Variants in NKAIN2 observed in about 807,000 individuals in gnomAD.
NKAIN2 encodes sodium/potassium transporting ATPase interacting 2.
A neutral mutation model predicts 32.6 loss-of-function variants in NKAIN2; 14 were observed. That is an observed-to-expected ratio of 0.43 (90% confidence interval 0.28 to 0.67). The LOEUF (loss-of-function observed/expected upper bound fraction) is 0.67, where lower values mean the gene tolerates loss of function less well. Among genes scored for constraint, NKAIN2 ranks in the 30% least tolerant of loss-of-function variants. NKAIN2 has a pLI of 0.17. For synonymous variants in NKAIN2, 80 were observed against 87.2 expected (o/e 0.92, Z 0.46); for missense variants, 198 against 258.3 (o/e 0.77, Z 1.60).
intron 4 of NKAIN2, among the ~76,000 whole-genome samples, chr6:124,687,019 G>A (rs111745809): frequency 6.6e-6 from 1 of 151,790 alleles, no homozygotes; most frequent in Non-Finnish European, 1.5e-5. Context: ...TTGAACATCA[G>A]ACTCCAAGTT....
intron 3 of NKAIN2, among the ~76,000 whole-genome samples, chr6:124,360,087 G>C (rs1032428508): frequency 1.2e-4 from 18 of 151,764 alleles, no homozygotes; most frequent in Admixed American, 9.9e-4. Context: ...ATTGATTTGC[G>C]AATGTTGAAC....
chr6:123,995,042 A>G (rs1779560179), intron 1 of NKAIN2, among the ~76,000 whole-genome samples: 1 of 152,208 alleles, frequency 6.6e-6, no homozygotes, highest in Non-Finnish European at 1.5e-5. Flanking sequence ...AAGGAAAAGC[A>G]TAAGGTGAGG....
At chr6:124,472,753 T>C (rs1448204536) in intron 3 of NKAIN2, among the ~76,000 whole-genome samples, 1 of 151,950 alleles carries the variant, frequency 6.6e-6, no homozygotes, top group Non-Finnish European at 1.5e-5. Context: ...AAGGACCTTG[T>C]ATTACTTTTT....
chr6:124,457,019 C>T lies in NKAIN2; in HGVS notation c.273+101672C>T, dbSNP rs546601442. ...GGTTCTTGGGACACTAGAAACTCTTCGTGAATGTACTTTAATTTTTATTTA... is the reference window on the plus strand; with the variant it reads ...GGTTCTTGGGACACTAGAAACTCTTTGTGAATGTACTTTAATTTTTATTTA... On this transcript the variant is annotated intron_variant, in intron 3 of 6. Transcript: ENST00000368417. Among the ~76,000 whole-genome samples the T allele has an allele frequency of 1.1e-4, 16 of 151,904 alleles. 1 individual carries two copies. The South Asian group carries it at 2.1e-3, about 20-fold the overall frequency.
At chr6:124,110,739 T>C (rs1469328960) in intron 1 of NKAIN2, among the ~76,000 whole-genome samples, 8 of 152,178 alleles carry the variant, frequency 5.3e-5, no homozygotes, top group African/African-American at 1.9e-4. Flanking sequence ...TTCTTTTTCA[T>C]GGCTGCATAA....
intron 2 of NKAIN2, among the ~76,000 whole-genome samples, chr6:124,283,669 T>G (rs1242354135): frequency 1.3e-5 from 2 of 152,144 alleles, no homozygotes; most frequent in Non-Finnish European, 2.9e-5. Flanking sequence ...TATTTTGCAT[T>G]CCCACTCAAG....
At chr6:123,835,239 G>A (rs986413914) in intron 1 of NKAIN2, among the ~76,000 whole-genome samples, 5 of 152,132 alleles carry the variant, frequency 3.3e-5, no homozygotes, top group Non-Finnish European at 7.4e-5. Context: ...CAAAAATAGA[G>A]GAGCATTTGA....
chr6:124,630,838 GA>G (rs1783537404), intron 3 of NKAIN2, among the ~76,000 whole-genome samples: 1 of 152,076 alleles, frequency 6.6e-6, no homozygotes, highest in Non-Finnish European at 1.5e-5. Flanking sequence ...TAGCACCAGG[GA>G]AAATTAATTA....
chr6:124,705,530 G>GT (rs923977994), intron 4 of NKAIN2, among the ~76,000 whole-genome samples: 1 of 152,046 alleles, frequency 6.6e-6, no homozygotes, highest in Non-Finnish European at 1.5e-5. Context: ...CAAGTCTCCT[G>GT]TTTGGTAAAA....
chr6:124,498,436 G>A (rs1778153387), intron 3 of NKAIN2, among the ~76,000 whole-genome samples: 1 of 152,140 alleles, frequency 6.6e-6, no homozygotes, highest in South Asian at 2.1e-4. Flanking sequence ...AGAACTCGGT[G>A]AGGGCTTAGC....
intron 3 of NKAIN2, among the ~76,000 whole-genome samples, chr6:124,438,752 C>G (rs1033992820): frequency 3.3e-5 from 5 of 152,172 alleles, no homozygotes; most frequent in Non-Finnish European, 5.9e-5. Flanking sequence ...TTCAGTCTGT[C>G]TTACTTGCTG....
chr6:124,160,219 C>T lies in NKAIN2; in HGVS notation c.55-122786C>T, dbSNP rs138918167. Reference sequence around the variant, plus strand: ...CTAGAGGGTAGGAAAATTTTCCCCTCGCTTTATCTATACAGCAGACTTTTC... The same window carrying T: ...CTAGAGGGTAGGAAAATTTTCCCCTTGCTTTATCTATACAGCAGACTTTTC... On this transcript the variant is annotated intron_variant, in intron 1 of 6. Transcript: ENST00000368417. Among the ~76,000 whole-genome samples, 179 of 152,232 alleles carry T rather than the reference C, an allele frequency of 1.2e-3. 1 individual carries two copies. Among genetic ancestry groups the T allele is most frequent in the African/African-American group, 3.4e-3 (143 of 41,550 alleles).
At chr6:124,499,495 A>C (rs1778199951) in intron 3 of NKAIN2, among the ~76,000 whole-genome samples, 1 of 152,212 alleles carries the variant, frequency 6.6e-6, no homozygotes, top group Admixed American at 6.5e-5. Context: ...TGGATGAAAT[A>C]AAGACCATAT....
At chr6:124,176,209 A>T (rs1789147298) in intron 1 of NKAIN2, among the ~76,000 whole-genome samples, 1 of 152,238 alleles carries the variant, frequency 6.6e-6, no homozygotes, top group African/African-American at 2.4e-5. Flanking sequence ...TGACAGAGAC[A>T]CAAAGTGAGC....
chr6:124,805,363 C>G, intron 5 of NKAIN2, among the ~76,000 whole-genome samples: 1 of 152,184 alleles, frequency 6.6e-6, no homozygotes, highest in Non-Finnish European at 1.5e-5. Flanking sequence ...GACACCGCTG[C>G]TGACACCCAG....
chr6:124,632,198 A>G (rs1301592403), intron 3 of NKAIN2, among the ~76,000 whole-genome samples: 1 of 152,210 alleles, frequency 6.6e-6, no homozygotes, highest in African/African-American at 2.4e-5. Context: ...AATTCTTTTC[A>G]CAAGACTTCT....
chr6:124,446,203 A>G (rs2114609112), intron 3 of NKAIN2, among the ~76,000 whole-genome samples: 1 of 152,268 alleles, frequency 6.6e-6, no homozygotes, highest in South Asian at 2.1e-4. Context: ...TGCTTCTATA[A>G]GAGTGTCACA....
At chr6:124,637,744 G>A (rs529512323) in intron 3 of NKAIN2, among the ~76,000 whole-genome samples, 30 of 151,950 alleles carry the variant, frequency 2.0e-4, no homozygotes, top group South Asian at 6.2e-4. Context: ...GTAAAACACC[G>A]ATTTAAAAAA....
chr6:123,995,618 T>A (rs986819405), intron 1 of NKAIN2, among the ~76,000 whole-genome samples: 1 of 152,186 alleles, frequency 6.6e-6, no homozygotes, highest in African/African-American at 2.4e-5. Context: ...GATGAATTGG[T>A]CTTTTTAAAA....
Sources: gnomAD v4.1 joint callset for allele counts (sites outside exome capture counted in the v4.1 genomes callset) on GRCh38, gnomAD v4.1.1 for gene constraint, MANE v1.5 for transcripts, NCBI Gene and HGNC (gene_info 2026-07-23, HGNC 2026-07-21) for gene names.